Variants in SGCD observed in about 807,000 individuals in gnomAD.
The protein encoded by SGCD is delta-sarcoglycan.
A neutral mutation model predicts 36.6 loss-of-function variants in SGCD; 18 were observed. The observed-to-expected ratio is 0.49, with a 90% CI of 0.34 to 0.73. The LOEUF is 0.73. Among genes scored for constraint, SGCD ranks in the 30% least tolerant of loss-of-function variants. The probability of loss-of-function intolerance (pLI) is 0.01; values close to 1 mark genes in which losing one functional copy is unlikely to be tolerated. For synonymous variants in SGCD, 133 were observed against 130.6 expected (o/e 1.02, Z -0.12); for missense variants, 387 against 346.7 (o/e 1.12, Z -0.92).
At chr5:156,699,420 C>T (rs1256271887) in intron 7 of SGCD, among the ~76,000 whole-genome samples, 1 of 152,088 alleles carries the variant, frequency 6.6e-6, no homozygotes, top group Non-Finnish European at 1.5e-5. Flanking sequence ...AAGGCTGTTC[C>T]TTTACTATCA....
chr5:156,290,061 G>A (rs1581221733), intron 3 of SGCD, among the ~76,000 whole-genome samples: 3 of 152,210 alleles, frequency 2.0e-5, no homozygotes, highest in South Asian at 4.1e-4. Context: ...TTTGAAAAAT[G>A]GAAAAGGCTT....
At chr5:155,960,442 G>A (rs1342374186) in intron 1 of SGCD, among the ~76,000 whole-genome samples, 1 of 152,048 alleles carries the variant, frequency 6.6e-6, no homozygotes, top group African/African-American at 2.4e-5. Context: ...AGAGAGCTCA[G>A]GCCTGTATCT....
chr5:155,778,631 C>CAACCGCTGT, the SGCD span, among the ~76,000 whole-genome samples: 1 of 151,580 alleles, frequency 6.6e-6, no homozygotes, highest in Non-Finnish European at 1.5e-5. Flanking sequence ...TAAGCTATTG[C>CAACCGCTGT]TTAAAATGCA....
At chr5:156,166,074 C>T (rs1329267385) in intron 3 of SGCD, among the ~76,000 whole-genome samples, 1 of 97,344 alleles carries the variant, frequency 1.0e-5, no homozygotes, top group Non-Finnish European at 2.3e-5. Context: ...ATTTATTTTT[C>T]TCTTCCGGTG....
At chr5:155,932,218 C>T (rs534742209) in intron 1 of SGCD, among the ~76,000 whole-genome samples, 6 of 152,274 alleles carry the variant, frequency 3.9e-5, no homozygotes, top group South Asian at 2.1e-4. Context: ...TCCCACAGCA[C>T]GATACTCTTT....
At chr5:156,145,476 T>C (rs935845803) in intron 3 of SGCD, among the ~76,000 whole-genome samples, 2 of 152,162 alleles carry the variant, frequency 1.3e-5, no homozygotes, top group Non-Finnish European at 2.9e-5. Flanking sequence ...CAAAGTGAGG[T>C]CATAATAAGG....
chr5:155,744,932 G>A, the SGCD span, among the ~76,000 whole-genome samples: 1 of 152,206 alleles, frequency 6.6e-6, no homozygotes, highest in Non-Finnish European at 1.5e-5. Context: ...TAGACAAATT[G>A]TAGTGAAATT....
intron 1 of SGCD, among the ~76,000 whole-genome samples, chr5:155,990,975 C>T (rs10475650): frequency 0.018 from 2,708 of 152,154 alleles, 67 homozygotes; most frequent in African/African-American, 0.062. Flanking sequence ...CTCAGTGTCA[C>T]CTGGAAGGTT....
chr5:156,047,643 T>G (rs1304996394), intron 1 of SGCD, among the ~76,000 whole-genome samples: 6 of 152,122 alleles, frequency 3.9e-5, no homozygotes, highest in African/African-American at 1.4e-4. Flanking sequence ...GACTTACAGC[T>G]TGGGGGGGAA....
At chr5:156,356,083 T>G (rs902279023) in intron 3 of SGCD, among the ~76,000 whole-genome samples, 2 of 152,250 alleles carry the variant, frequency 1.3e-5, no homozygotes, top group African/African-American at 4.8e-5. Context: ...TATAAATTTC[T>G]AATCTTCATT....
intron 4 of SGCD, among the ~76,000 whole-genome samples, chr5:156,547,792 G>C (rs1311867683): frequency 6.6e-6 from 1 of 152,160 alleles, no homozygotes; most frequent in Non-Finnish European, 1.5e-5. Flanking sequence ...GAGGACTGAG[G>C]CTTGTGTAAC....
chr5:155,920,463 G>A (rs1158462730), intron 1 of SGCD, among the ~76,000 whole-genome samples: 3 of 152,114 alleles, frequency 2.0e-5, no homozygotes, highest in African/African-American at 7.2e-5. Context: ...CCCTGTGATG[G>A]AGACACACTG....
intron 7 of SGCD, among the ~76,000 whole-genome samples, chr5:156,739,230 G>T (rs997271592): frequency 2.0e-5 from 3 of 152,128 alleles, no homozygotes; most frequent in Non-Finnish European, 4.4e-5. Flanking sequence ...AGAAGGGAAA[G>T]AAAGGAAAGT....
chr5:156,150,848 A>G (rs1762816347), intron 3 of SGCD, among the ~76,000 whole-genome samples: 1 of 151,686 alleles, frequency 6.6e-6, no homozygotes. Context: ...AGTGGTCTTT[A>G]TATTTATTCT....
At chr5:155,842,781 C>T in the SGCD span, among the ~76,000 whole-genome samples, 2 of 150,712 alleles carry the variant, frequency 1.3e-5, no homozygotes, top group African/African-American at 4.9e-5. Context: ...ATATTTTTGT[C>T]ATTAATTCAG....
chr5:155,887,549 G>C (rs1442572734), intron 1 of SGCD, among the ~76,000 whole-genome samples: 1 of 152,102 alleles, frequency 6.6e-6, no homozygotes, highest in African/African-American at 2.4e-5. Flanking sequence ...TTTCTTAGCT[G>C]TGTGACCCAA....
the SGCD span, among the ~76,000 whole-genome samples, chr5:155,864,542 G>T: frequency 6.6e-6 from 1 of 152,186 alleles, no homozygotes; most frequent in South Asian, 2.1e-4. Context: ...ATTTAAAGTT[G>T]TTTTAATGTT....
At chr5:155,806,148 T>C in the SGCD span, among the ~76,000 whole-genome samples, 1 of 149,450 alleles carries the variant, frequency 6.7e-6, no homozygotes, top group Admixed American at 7.0e-5. Flanking sequence ...GACTTTACTA[T>C]TTTCTTTTCT....
chr5:156,395,886 T>C (rs559047458), intron 3 of SGCD, among the ~76,000 whole-genome samples: 3 of 152,206 alleles, frequency 2.0e-5, no homozygotes, highest in Non-Finnish European at 4.4e-5. Context: ...TCAAATTTGC[T>C]AATTCAAAAC....
Sources: allele counts gnomAD v4.1 joint callset (sites outside exome capture counted in the v4.1 genomes callset), GRCh38; gene constraint gnomAD v4.1.1; transcripts MANE v1.5; gene names NCBI Gene and HGNC (gene_info 2026-07-23, HGNC 2026-07-21).